Variants in WWP2 observed in about 807,000 individuals in gnomAD.
The protein encoded by WWP2 is NEDD4-like E3 ubiquitin-protein ligase WWP2.
A neutral mutation model predicts 121.0 loss-of-function variants in WWP2; 57 were observed. The observed-to-expected ratio is 0.47, with a 90% confidence interval of 0.38 to 0.59. WWP2 has a LOEUF of 0.59. Ranked by LOEUF, WWP2 falls within the 20% of genes least tolerant of loss-of-function variation. The pLI is 0.00. For missense variants in WWP2, 962 were observed against 1,158.9 expected, an observed-to-expected ratio of 0.83 and a Z score of 2.47; for synonymous variants, 449 against 441.3, an observed-to-expected ratio of 1.02 and a Z score of -0.22.
chr16:69,923,551 C>T (rs2058595345), intron 10 of WWP2, among the ~76,000 whole-genome samples: 1 of 152,068 alleles, frequency 6.6e-6, no homozygotes, highest in South Asian at 2.1e-4. Flanking sequence ...CAAAAGATGA[C>T]CATGCCCCTG....
chr16:69,907,801 G>A (rs1430992784), intron 8 of WWP2, among the ~76,000 whole-genome samples: 1 of 152,132 alleles, frequency 6.6e-6, no homozygotes, highest in East Asian at 1.9e-4. Context: ...TGACTTCATA[G>A]GTAGAGCAGT....
intron 4 of WWP2, among the ~76,000 whole-genome samples, chr16:69,804,450 C>G (rs934165975): frequency 6.6e-6 from 1 of 151,934 alleles, no homozygotes; most frequent in Non-Finnish European, 1.5e-5. Context: ...TTGAATAATC[C>G]ATCTGTTTCC....
chr16:69,848,054 GAAC>G (rs1481961944), intron 6 of WWP2, among the ~76,000 whole-genome samples: 1 of 152,140 alleles, frequency 6.6e-6, no homozygotes, highest in African/African-American at 2.4e-5. Context: ...CAGGGAAATG[GAAC>G]AACAACAACA....
At chr16:69,870,869 G>A (rs2057622638) in intron 6 of WWP2, among the ~76,000 whole-genome samples, 1 of 152,216 alleles carries the variant, frequency 6.6e-6, no homozygotes, top group Admixed American at 6.5e-5. Context: ...CATGCTGCCT[G>A]TTGCCTTGTG....
At chr16:69,782,382 G>T (rs907756030) in intron 1 of WWP2, among the ~76,000 whole-genome samples, 3 of 152,138 alleles carry the variant, frequency 2.0e-5, no homozygotes, top group African/African-American at 4.8e-5. Context: ...GGTTGAGGAC[G>T]GGGCAGGAGC....
In WWP2 at chr16:69,799,230, G is replaced by A; in HGVS notation, c.275G>A (p.Arg92Lys). 1 of 1,614,150 alleles carries A rather than the reference G, an allele frequency of 6.2e-7. No individual in the cohort carries two copies. The highest frequency in any genetic ancestry group is 8.5e-7 in the Non-Finnish European group (1 of 1,180,018). The change falls in exon 4 of 24, where the codon AGA becomes AAA. Residue 92 changes from arginine to lysine, a missense_variant. By Grantham distance (26) the Arg-to-Lys change is conservative (BLOSUM62 2). Around this residue, in one of 3 missense-constraint regions of WWP2, gnomAD observed 145 missense variants for 189.8 expected, o/e 0.76. Coordinates refer to ENST00000359154, the MANE Select transcript of WWP2 (RefSeq NM_001270454.2). The surrounding 1 kb of genome is among the most constrained non-coding windows in gnomAD (Gnocchi z 4.5). Reference protein sequence around the residue: ...DLKVWSCHTLRNELLGTASVN... With the variant: ...DLKVWSCHTLKNELLGTASVN... Reference sequence around the variant, plus strand: ...AAGGTCTGGAGCTGCCATACCTTGAGAAATGAACTGCTAGGCACCGCATCT... The same window carrying A: ...AAGGTCTGGAGCTGCCATACCTTGAAAAATGAACTGCTAGGCACCGCATCT...
chr16:69,808,086 C>A (rs935200657), intron 4 of WWP2, among the ~76,000 whole-genome samples: 3 of 152,320 alleles, frequency 2.0e-5, no homozygotes, highest in South Asian at 4.1e-4. Flanking sequence ...TTCCCATTGT[C>A]CCTTCTAGTT....
intron 2 of WWP2, among the ~76,000 whole-genome samples, chr16:69,789,352 C>T (rs960331435): frequency 2.0e-5 from 3 of 152,070 alleles, no homozygotes. Context: ...GCCTCAGCCT[C>T]CTCAGTAGCT....
At chr16:69,854,187 A>G (rs1597058979) in intron 6 of WWP2, among the ~76,000 whole-genome samples, 2 of 152,354 alleles carry the variant, frequency 1.3e-5, no homozygotes, top group Admixed American at 1.3e-4. Context: ...AGAGAAGCCA[A>G]TAAAAAGAGT....
intron 2 of WWP2, among the ~76,000 whole-genome samples, chr16:69,790,521 C>T (rs1026525363): frequency 6.6e-6 from 1 of 151,962 alleles, no homozygotes; most frequent in Admixed American, 6.6e-5. Flanking sequence ...AAAAGTGGAC[C>T]CTTGTAGTTC....
chr16:69,826,651 G>A lies in WWP2; in HGVS notation c.341-13475G>A, dbSNP rs559110642. On this transcript the variant is annotated intron_variant, in intron 4 of 23. Transcript: ENST00000359154. ...TCCCAGCACTTTGGGAGGCCGAGGCGGGTGGATCACGAGGTCAGGAGATCG... is the reference window on the plus strand; with the variant it reads ...TCCCAGCACTTTGGGAGGCCGAGGCAGGTGGATCACGAGGTCAGGAGATCG... Among the ~76,000 whole-genome samples the A allele has an allele frequency of 1.3e-4, 19 of 150,534 alleles. No individual in the cohort carries two copies. The East Asian group carries it at 2.9e-3, about 23-fold the overall frequency.
At chr16:69,872,221 CT>C (rs542156678) in intron 7 of WWP2, among the ~76,000 whole-genome samples, 172 of 146,170 alleles carry the variant, frequency 1.2e-3, no homozygotes, top group Middle Eastern at 3.6e-3. Context: ...AAAGAAATGT[CT>C]TTTTTTTTTT....
intron 6 of WWP2, among the ~76,000 whole-genome samples, chr16:69,857,241 G>A (rs547383089): frequency 1.3e-5 from 2 of 151,874 alleles, no homozygotes; most frequent in African/African-American, 4.8e-5. Flanking sequence ...GTAGCTGGGC[G>A]CGCTCCACCA....
chr16:69,927,696 C>T (rs978082324), intron 11 of WWP2, among the ~76,000 whole-genome samples: 10 of 152,222 alleles, frequency 6.6e-5, no homozygotes, highest in African/African-American at 1.7e-4. Context: ...GCAGTAGCTT[C>T]GGGGCTGGGA....
chr16:69,767,032 T>TG (rs1367101505), intron 1 of WWP2, among the ~76,000 whole-genome samples: 2 of 147,026 alleles, frequency 1.4e-5, no homozygotes, highest in African/African-American at 5.3e-5. Context: ...GGAATAGGGG[T>TG]TTTGTTTTTT....
chr16:69,894,476 G>A (rs1011911926), intron 8 of WWP2, among the ~76,000 whole-genome samples: 5 of 152,124 alleles, frequency 3.3e-5, no homozygotes, highest in African/African-American at 1.2e-4. Flanking sequence ...CTGAAACCTG[G>A]GCTGAAGATG....
At chr16:69,849,904 A>G (rs1012021630) in intron 6 of WWP2, among the ~76,000 whole-genome samples, 1 of 152,204 alleles carries the variant, frequency 6.6e-6, no homozygotes, top group Non-Finnish European at 1.5e-5. Flanking sequence ...TTATACATTT[A>G]TTTATTGCAT....
chr16:69,779,739 T>C (rs1271520718), intron 1 of WWP2, among the ~76,000 whole-genome samples: 3 of 152,194 alleles, frequency 2.0e-5, no homozygotes, highest in Non-Finnish European at 4.4e-5. Context: ...TTCTAAAATA[T>C]TCTTTCATTT....
rs2058775178 is a variant in WWP2 at position 69,935,035 on chromosome 16, A to T, written c.1843-818A>T. ...AACTGGAAAGAGGGACACAATGTGA[A>T]TATGGAAAGGGAGGTCCTGCCACGT... On this transcript the variant is annotated intron_variant, in intron 17 of 23. Transcript: ENST00000359154. The surrounding 1 kb of genome is among the most constrained non-coding windows in gnomAD (Gnocchi z 5.2). Among the ~76,000 whole-genome samples the T allele has an allele frequency of 6.6e-6, 1 of 152,304 alleles. No individual in the cohort carries two copies. Among genetic ancestry groups the T allele is most frequent in the South Asian group, 2.1e-4 (1 of 4,824 alleles).
Sources: gnomAD v4.1 joint callset for allele counts (sites outside exome capture counted in the v4.1 genomes callset) on GRCh38, gnomAD v4.1.1 for gene constraint, gnomAD v4.1.1 regional missense constraint, Gnocchi (gnomAD v3.1) non-coding constraint, MANE v1.5 for transcripts, NCBI Gene and HGNC (gene_info 2026-07-23, HGNC 2026-07-21) for gene names.